The following RAC1 variants were observed in gnomAD, a reference collection of about 807,000 sequenced individuals.
The protein encoded by RAC1 is ras-related C3 botulinum toxin substrate 1.
Under a neutral mutation model 25.2 loss-of-function variants are expected in RAC1, and 2 were observed. The ratio of observed to expected loss-of-function variants is 0.08; its 90% CI spans 0.03 to 0.25. RAC1 has a LOEUF of 0.25. RAC1 is among the 10% of genes least tolerant of loss of function. The probability of loss-of-function intolerance (pLI) is 1.00; values close to 1 mark genes in which losing one functional copy is unlikely to be tolerated. For missense variants in RAC1, 50 were observed against 235.7 expected (o/e 0.21, Z 5.16); for synonymous variants, 88 against 94.0 (o/e 0.94, Z 0.37).
chr7:6,402,186 G>T, intron 5 of RAC1, 130 bp from the exon 6 acceptor site: 1 of 1,463,148 alleles, frequency 6.8e-7, no homozygotes, highest in Non-Finnish European at 9.2e-7. Flanking sequence ...TAACGTCAGC[G>T]TTGGAAGGTG....
intron 1 of RAC1, among the ~76,000 whole-genome samples, chr7:6,385,228 A>G (rs577008332): frequency 1.3e-5 from 2 of 152,326 alleles, no homozygotes; most frequent in South Asian, 2.1e-4. Context: ...TAATTTTTAA[A>G]TTTAACAACT....
At chr7:6,377,642 C>T (rs36115445) in intron 1 of RAC1, among the ~76,000 whole-genome samples, 1,899 of 152,096 alleles carry the variant, frequency 0.012, 41 homozygotes, top group African/African-American at 0.044. Flanking sequence ...TGGCCGGGCA[C>T]GGTAGCTCAA....
In RAC1 at chr7:6,395,004, G is replaced by A. The variant is rs372781378; in HGVS notation, c.225+2963G>A. Among the ~76,000 whole-genome samples, 179 of 152,270 alleles carry A rather than the reference G, an allele frequency of 1.2e-3. 1 individual carries two copies. The highest frequency in any genetic ancestry group is 3.9e-3 in the African/African-American group (161 of 41,550). On this transcript the variant is annotated intron_variant, in intron 3 of 5. Coordinates refer to ENST00000348035, the MANE Select transcript of RAC1 (RefSeq NM_006908.5). ...CAAGTAGCTGGGACTACAGGCGCCC[G>A]CCACCACACCTGACTAATTTTTTAT...
rs33997862 is a variant in RAC1 at position 6,388,319 on chromosome 7, G to A, written c.107+1036G>A. ...GTGCTCTCTGAAGTGTCGTACCCAT[G>A]TTTTTGTTGTTGTTGTTGTTGTTTT... On this transcript the variant is annotated intron_variant, in intron 2 of 5. Transcript: ENST00000348035. Among the ~76,000 whole-genome samples, 181 of 137,990 alleles carry A rather than the reference G, an allele frequency of 1.3e-3. 5 individuals are homozygous for A. In the East Asian group the frequency reaches 0.037, roughly 28 times the overall value. 90.5% of individuals were successfully genotyped at this position (137,990 alleles called of 152,430 possible). A position where few individuals can be genotyped will look rare whatever the true frequency, so the allele number is the denominator to read the frequency against.
intron 1 of RAC1, among the ~76,000 whole-genome samples, chr7:6,383,098 G>A (rs771571110): frequency 6.6e-6 from 1 of 152,196 alleles, no homozygotes; most frequent in Non-Finnish European, 1.5e-5. Context: ...TTGAAAAGAG[G>A]TTGAACTGAG....
chr7:6,378,581 A>G (rs1000677976), intron 1 of RAC1, among the ~76,000 whole-genome samples: 2 of 152,154 alleles, frequency 1.3e-5, no homozygotes, highest in African/African-American at 4.8e-5. Flanking sequence ...AATAATTTGC[A>G]AAGCATGTTA....
chr7:6,389,639 C>T (rs1286622991), intron 2 of RAC1, among the ~76,000 whole-genome samples: 2 of 152,040 alleles, frequency 1.3e-5, no homozygotes, highest in Admixed American at 1.3e-4. Context: ...AAGATTGTGC[C>T]TCTGCACTCC....
At chr7:6,376,076 T>C (rs569040857) in intron 1 of RAC1, among the ~76,000 whole-genome samples, 1 of 151,492 alleles carries the variant, frequency 6.6e-6, no homozygotes, top group East Asian at 1.9e-4. Context: ...GCAATTCAGA[T>C]GCAAGAAGGA....
intron 1 of RAC1, among the ~76,000 whole-genome samples, chr7:6,381,064 C>T (rs1377976580): frequency 6.6e-6 from 1 of 152,074 alleles, no homozygotes; most frequent in Non-Finnish European, 1.5e-5. Flanking sequence ...AGACAGGTTT[C>T]ACCATCTTGG....
intron 1 of RAC1, among the ~76,000 whole-genome samples, chr7:6,381,339 C>G (rs1782759041): frequency 6.6e-6 from 1 of 150,442 alleles, no homozygotes; most frequent in Non-Finnish European, 1.5e-5. Context: ...AAGTGAGAAA[C>G]TTTATGCACT....
chr7:6,381,352 C>A (rs868069909), intron 1 of RAC1, among the ~76,000 whole-genome samples: 8 of 147,410 alleles, frequency 5.4e-5, no homozygotes, highest in Admixed American at 2.0e-4. Flanking sequence ...TATGCACTAT[C>A]TTAATTTTTT....
At chr7:6,389,441 G>A (rs1011432925) in intron 2 of RAC1, among the ~76,000 whole-genome samples, 42 of 151,898 alleles carry the variant, frequency 2.8e-4, no homozygotes, top group African/African-American at 1.0e-3. Context: ...AGCACTTGGG[G>A]AGGCTGAGCT....
In RAC1 at chr7:6,402,869, G is replaced by C. The variant is rs937495638; in HGVS notation, c.*423G>C. On this transcript the variant is annotated 3_prime_UTR_variant, in exon 6 of 6. Transcript: ENST00000348035. Reference sequence around the variant, plus strand: ...GTAGCTTCTGCAGTTAGGAGGTGCAGACACTTGCTCTCCTATGTAGTTCTC... The same window carrying C: ...GTAGCTTCTGCAGTTAGGAGGTGCACACACTTGCTCTCCTATGTAGTTCTC... The C allele has an allele frequency of 3.5e-5, 7 of 200,270 alleles. No individual in the cohort carries two copies. In the East Asian group the frequency reaches 4.8e-4, roughly 14 times the overall value. 12.4% of individuals were successfully genotyped at this position (200,270 alleles called of 1,614,324 possible).
At position 6,402,374 on chromosome 7, in the gene RAC1, T is replaced by C; in HGVS notation, c.507T>C (p.Phe169=). ...ALTQRGLKTV[F]DEAIRAVLCP... ...CACAGCGAGGCCTCAAGACAGTGTT[T>C]GACGAAGCGATCCGAGCAGTCCTCT... The change falls in exon 6 of 6, where the codon TTT becomes TTC. Residue 169 remains phenylalanine (F), a synonymous_variant. Transcript: ENST00000348035. 21 of 1,612,082 alleles carry C rather than the reference T, an allele frequency of 1.3e-5. No homozygotes were observed. The highest frequency in any genetic ancestry group is 1.6e-5 in the Non-Finnish European group (19 of 1,179,700).
chr7:6,375,658 TTTTC>T (rs1393142051), intron 1 of RAC1, among the ~76,000 whole-genome samples: 42 of 151,764 alleles, frequency 2.8e-4, no homozygotes, highest in African/African-American at 4.9e-4. Flanking sequence ...CTGTTTTTTC[TTTTC>T]TTTCTTTCTT....
At chr7:6,401,656 A>C (rs1375916038) in intron 4 of RAC1, 12 of 426,934 alleles carry the variant, frequency 2.8e-5, no homozygotes, top group Non-Finnish European at 4.2e-5. Flanking sequence ...CTGTCCAGCC[A>C]TGATCCGGGA....
At chr7:6,399,287 G>T (rs836547) in intron 3 of RAC1, among the ~76,000 whole-genome samples, 26,125 of 152,186 alleles carry the variant, frequency 0.17, 3,052 homozygotes, top group East Asian at 0.54. Flanking sequence ...CAGCTGGAGG[G>T]TTGAAAGTGT....
At chr7:6,375,217 G>C (rs1456146738) in intron 1 of RAC1, among the ~76,000 whole-genome samples, 4 of 152,026 alleles carry the variant, frequency 2.6e-5, no homozygotes, top group Admixed American at 6.6e-5. Context: ...ATGCATGCTT[G>C]ATTGTACGGG....
chr7:6,385,390 A>G (rs1437912736), intron 1 of RAC1, among the ~76,000 whole-genome samples: 5 of 150,550 alleles, frequency 3.3e-5, no homozygotes, highest in East Asian at 1.9e-4. Context: ...TTGCAGGTGA[A>G]AAAAAAAGGC....
Sources: gnomAD v4.1 joint callset for allele counts (sites outside exome capture counted in the v4.1 genomes callset) on GRCh38, gnomAD v4.1.1 for gene constraint, MANE v1.5 for transcripts, NCBI Gene and HGNC (gene_info 2026-07-23, HGNC 2026-07-21) for gene names.